Variants in ANXA8 observed in about 807,000 individuals in gnomAD.
ANXA8 encodes the protein VAC-beta.
ANXA8 carries 9 observed loss-of-function variants against 26.8 expected under a neutral mutation model. The observed-to-expected ratio is 0.34, with a 90% CI of 0.20 to 0.59. ANXA8 has a LOEUF of 0.59. Among genes scored for constraint, ANXA8 ranks in the 20% least tolerant of loss-of-function variants. The probability of loss-of-function intolerance (pLI) is 0.84; values close to 1 mark genes in which losing one functional copy is unlikely to be tolerated. For missense variants in ANXA8, 83 were observed against 238.5 expected, an observed-to-expected ratio of 0.35 and a Z score of 4.29; for synonymous variants, 39 against 94.8, an observed-to-expected ratio of 0.41 and a Z score of 3.42.
At chr10:47,526,110 A>C in the ANXA8 span, among the ~76,000 whole-genome samples, 1 of 117,526 alleles carries the variant, frequency 8.5e-6, no homozygotes, top group Admixed American at 8.8e-5. Flanking sequence ...TTTACTTTTT[A>C]TTTTTTTTTT....
the ANXA8 span, among the ~76,000 whole-genome samples, chr10:47,695,171 G>T: frequency 6.6e-6 from 1 of 151,392 alleles, no homozygotes; most frequent in Non-Finnish European, 1.5e-5. Context: ...TGGCTAGGCA[G>T]TGGGGAACCA....
the ANXA8 span, among the ~76,000 whole-genome samples, chr10:47,550,025 G>C: frequency 6.6e-6 from 1 of 151,768 alleles, no homozygotes; most frequent in Admixed American, 6.6e-5. Context: ...GCTAAGGTAG[G>C]AGGATTGCTT....
At chr10:47,640,569 TGG>T in the ANXA8 span, among the ~76,000 whole-genome samples, 2 of 91,148 alleles carry the variant, frequency 2.2e-5, no homozygotes, top group Non-Finnish European at 3.9e-5. Context: ...GGTAGCTGAT[TGG>T]GGATAGATGT....
At chr10:47,763,853 AC>A in the ANXA8 span, among the ~76,000 whole-genome samples, 1 of 150,896 alleles carries the variant, frequency 6.6e-6, no homozygotes, top group Non-Finnish European at 1.5e-5. Context: ...TTCTCGTTTT[AC>A]AGCCTTGAAG....
the ANXA8 span, among the ~76,000 whole-genome samples, chr10:47,647,908 T>C: frequency 6.6e-6 from 1 of 151,872 alleles, no homozygotes; most frequent in Non-Finnish European, 1.5e-5. Flanking sequence ...AAGATGAAGC[T>C]ATCACCACCA....
chr10:47,699,330 C>G, the ANXA8 span, among the ~76,000 whole-genome samples: 112 of 110,388 alleles, frequency 1.0e-3, no homozygotes, highest in Admixed American at 1.6e-3. Flanking sequence ...AGGGACAGAG[C>G]GAGATTCTGT....
chr10:47,652,395 G>A, the ANXA8 span, among the ~76,000 whole-genome samples: 534 of 151,708 alleles, frequency 3.5e-3, no homozygotes, highest in East Asian at 0.065. Context: ...CCAGGAGTTC[G>A]AGAACAGCCT....
the ANXA8 span, among the ~76,000 whole-genome samples, chr10:47,514,313 C>G: frequency 6.7e-6 from 1 of 150,148 alleles, no homozygotes; most frequent in East Asian, 2.0e-4. Context: ...TCATGGCATT[C>G]CCAGCAACCT....
At chr10:47,656,395 C>G in the ANXA8 span, among the ~76,000 whole-genome samples, 1 of 149,132 alleles carries the variant, frequency 6.7e-6, no homozygotes, top group Non-Finnish European at 1.5e-5. Context: ...GAAACCCTGT[C>G]TCAAAAAACC....
At chr10:47,939,245 G>A in the ANXA8 span, among the ~76,000 whole-genome samples, 2 of 138,510 alleles carry the variant, frequency 1.4e-5, no homozygotes, top group Admixed American at 7.2e-5. Flanking sequence ...GGAGGTTGCA[G>A]TGAGCCGAGA....
chr10:47,743,378 A>ATATG, the ANXA8 span, among the ~76,000 whole-genome samples: 16,189 of 58,536 alleles, frequency 0.28, 3,451 homozygotes, highest in South Asian at 0.56. Context: ...ATACATATAT[A>ATATG]TGTGTGTGTG....
At chr10:47,694,719 C>A in the ANXA8 span, among the ~76,000 whole-genome samples, 10 of 151,994 alleles carry the variant, frequency 6.6e-5, no homozygotes, top group African/African-American at 2.4e-4. Context: ...GCGCCCGGCC[C>A]ATACTGAAAA....
the ANXA8 span, among the ~76,000 whole-genome samples, chr10:47,660,503 C>A: frequency 6.6e-6 from 1 of 151,530 alleles, no homozygotes; most frequent in Non-Finnish European, 1.5e-5. Context: ...TAGGTTCAAG[C>A]GATTCTTCCA....
chr10:47,657,439 A>C, the ANXA8 span, among the ~76,000 whole-genome samples: 1 of 151,848 alleles, frequency 6.6e-6, no homozygotes, highest in Non-Finnish European at 1.5e-5. Flanking sequence ...GTGCTGTGGA[A>C]ATTATAATAA....
chr10:47,763,794 G>C, the ANXA8 span, among the ~76,000 whole-genome samples: 1 of 148,722 alleles, frequency 6.7e-6, no homozygotes, highest in African/African-American at 2.5e-5. Flanking sequence ...TGTGTGTGGG[G>C]GGGGGAGGGG....
chr10:47,502,990 C>A, the ANXA8 span: 3 of 1,560,390 alleles, frequency 1.9e-6, no homozygotes, highest in Non-Finnish European at 8.7e-7. Context: ...GCTGGAGATA[C>A]CGGGGCTGAA....
the ANXA8 span, among the ~76,000 whole-genome samples, chr10:47,736,622 T>C: frequency 3.3e-5 from 5 of 151,320 alleles, no homozygotes; most frequent in African/African-American, 9.8e-5. Context: ...TCTGTTTTAA[T>C]TGGAATTTTT....
the ANXA8 span, among the ~76,000 whole-genome samples, chr10:47,716,017 G>T: frequency 6.7e-6 from 1 of 149,156 alleles, no homozygotes; most frequent in African/African-American, 2.5e-5. Flanking sequence ...TCGCGTAGCT[G>T]AGGAGGGAAG....
chr10:47,595,099 T>C, the ANXA8 span, among the ~76,000 whole-genome samples: 1 of 148,544 alleles, frequency 6.7e-6, no homozygotes, highest in South Asian at 2.1e-4. Flanking sequence ...CAGCAGAGAT[T>C]AGAGGTCTAT....
Sources: allele counts gnomAD v4.1 joint callset (sites outside exome capture counted in the v4.1 genomes callset), GRCh38; gene constraint gnomAD v4.1.1; transcripts MANE v1.5; gene names NCBI Gene and HGNC (gene_info 2026-07-23, HGNC 2026-07-21).